The following RASAL2 variants were observed in gnomAD, a reference collection of about 807,000 sequenced individuals.
RASAL2 encodes the protein ras GTPase-activating protein nGAP.
RASAL2 carries 58 observed loss-of-function variants against 128.9 expected under a neutral mutation model. The ratio of observed to expected loss-of-function variants is 0.45; its 90% CI spans 0.36 to 0.56. The LOEUF (loss-of-function observed/expected upper bound fraction) is 0.56, where lower values mean the gene tolerates loss of function less well. Among genes scored for constraint, RASAL2 ranks in the 20% least tolerant of loss-of-function variants. The pLI is 0.00. For synonymous variants in RASAL2, 561 were observed against 580.8 expected (o/e 0.97, Z 0.49); for missense variants, 1,360 against 1,601.6 (o/e 0.85, Z 2.57).
chr1:178,446,725 G>C (rs139030505), intron 9 of RASAL2, among the ~76,000 whole-genome samples: 151 of 152,000 alleles, frequency 9.9e-4, no homozygotes, highest in African/African-American at 3.4e-3. Context: ...ATAACATTAG[G>C]GATATCTCTA....
intron 2 of RASAL2, among the ~76,000 whole-genome samples, chr1:178,292,937 T>G (rs1372779292): frequency 1.3e-5 from 2 of 152,010 alleles, no homozygotes; most frequent in African/African-American, 4.8e-5. Context: ...AATGACACTT[T>G]TAAATGTTTT....
chr1:178,162,836 C>T (rs1661380956), intron 1 of RASAL2, among the ~76,000 whole-genome samples: 1 of 151,470 alleles, frequency 6.6e-6, no homozygotes, highest in African/African-American at 2.4e-5. Context: ...GATCCACCTG[C>T]CTCAGCCTCC....
intron 1 of RASAL2, among the ~76,000 whole-genome samples, chr1:178,114,106 T>C (rs907512837): frequency 1.3e-5 from 2 of 152,150 alleles, no homozygotes; most frequent in African/African-American, 4.8e-5. Context: ...CCATTGGCTT[T>C]TCTAAATGGA....
At chr1:178,334,882 C>T (rs1049891067) in intron 3 of RASAL2, among the ~76,000 whole-genome samples, 18 of 151,704 alleles carry the variant, frequency 1.2e-4, no homozygotes, top group African/African-American at 2.9e-4. Flanking sequence ...CGCTTGAACC[C>T]GGGAGGGAGA....
At chr1:178,214,034 T>C (rs918619484) in intron 1 of RASAL2, among the ~76,000 whole-genome samples, 1 of 152,054 alleles carries the variant, frequency 6.6e-6, no homozygotes, top group African/African-American at 2.4e-5. Flanking sequence ...CCTTTGGGAT[T>C]GCTTGAGGCC....
intron 1 of RASAL2, among the ~76,000 whole-genome samples, chr1:178,176,250 C>T (rs1011506452): frequency 7.2e-5 from 11 of 152,164 alleles, no homozygotes; most frequent in African/African-American, 2.4e-4. Context: ...TGTGGCCATT[C>T]TTGCGTGGCC....
intron 3 of RASAL2, among the ~76,000 whole-genome samples, chr1:178,302,002 C>T (rs535503378): frequency 8.9e-4 from 136 of 152,250 alleles, no homozygotes; most frequent in African/African-American, 3.2e-3. Context: ...GACTCATGGA[C>T]AGTCCATGAG....
At chr1:178,191,985 T>C (rs535811689) in intron 1 of RASAL2, among the ~76,000 whole-genome samples, 130 of 152,260 alleles carry the variant, frequency 8.5e-4, no homozygotes, top group African/African-American at 3.1e-3. Context: ...AAATAACCCT[T>C]GATAGACACC....
intron 9 of RASAL2, among the ~76,000 whole-genome samples, chr1:178,449,681 T>C (rs931434884): frequency 6.6e-6 from 1 of 152,126 alleles, no homozygotes; most frequent in Non-Finnish European, 1.5e-5. Context: ...ACATTCTGCA[T>C]GCTCAAACAT....
At chr1:178,166,817 G>T (rs1661531953) in intron 1 of RASAL2, among the ~76,000 whole-genome samples, 1 of 152,130 alleles carries the variant, frequency 6.6e-6, no homozygotes, top group Non-Finnish European at 1.5e-5. Context: ...CCTAATTTAT[G>T]TTAGGTTGTA....
At chr1:178,423,958 A>G (rs1276907508) in intron 5 of RASAL2, among the ~76,000 whole-genome samples, 1 of 152,032 alleles carries the variant, frequency 6.6e-6, no homozygotes, top group African/African-American at 2.4e-5. Context: ...TCATGTCTTC[A>G]AGTTACATGG....
intron 13 of RASAL2, 102 bp from the exon 14 acceptor site, chr1:178,457,581 C>A (rs752359209): frequency 2.4e-4 from 287 of 1,178,508 alleles, no homozygotes; most frequent in Non-Finnish European, 3.3e-4. Context: ...ATGTACGTAT[C>A]CACATAAGAA....
intron 4 of RASAL2, among the ~76,000 whole-genome samples, chr1:178,417,590 C>G (rs185584852): frequency 6.6e-6 from 1 of 151,776 alleles, no homozygotes; most frequent in Non-Finnish European, 1.5e-5. Flanking sequence ...GGAAAAACAC[C>G]ATCTCTACCA....
intron 3 of RASAL2, chr1:178,341,737 G>GT: frequency 5.2e-6 from 7 of 1,334,796 alleles, no homozygotes; most frequent in Non-Finnish European, 5.2e-6. Context: ...AAATAGGTTG[G>GT]TTTTTATTGC....
chr1:178,206,798 C>T (rs1006450307), intron 1 of RASAL2, among the ~76,000 whole-genome samples: 3 of 151,770 alleles, frequency 2.0e-5, no homozygotes, highest in Non-Finnish European at 4.4e-5. Flanking sequence ...CTTGGAGTAA[C>T]CTTTAAAAAA....
At chr1:178,469,538 T>C (rs908459497) in intron 17 of RASAL2, among the ~76,000 whole-genome samples, 1 of 152,196 alleles carries the variant, frequency 6.6e-6, no homozygotes, top group Admixed American at 6.5e-5. Flanking sequence ...GTAAGGACTT[T>C]CTCTCAGTTA....
intron 1 of RASAL2, among the ~76,000 whole-genome samples, chr1:178,162,593 T>C (rs1054535491): frequency 7.1e-6 from 1 of 141,040 alleles, no homozygotes; most frequent in African/African-American, 2.6e-5. Flanking sequence ...ATATATTTTA[T>C]ATATACATAT....
intron 6 of RASAL2, among the ~76,000 whole-genome samples, chr1:178,441,010 GC>G (rs1317334301): frequency 2.0e-5 from 3 of 149,186 alleles, no homozygotes; most frequent in Non-Finnish European, 4.5e-5. Context: ...TGCCTAAAAG[GC>G]CTTTAATTTT....
chr1:178,367,541 T>A (rs910576420), intron 3 of RASAL2, among the ~76,000 whole-genome samples: 22 of 152,306 alleles, frequency 1.4e-4, no homozygotes, highest in African/African-American at 5.1e-4. Flanking sequence ...TGTTCACAAC[T>A]GTATGTGGGG....
Sources: allele counts gnomAD v4.1 joint callset (sites outside exome capture counted in the v4.1 genomes callset), GRCh38; gene constraint gnomAD v4.1.1; transcripts MANE v1.5; gene names NCBI Gene and HGNC (gene_info 2026-07-23, HGNC 2026-07-21).